The following DOK6 variants were observed in gnomAD, a reference collection of about 807,000 sequenced individuals.
DOK6 encodes downstream of tyrosine kinase 6.
Under a neutral mutation model 44.0 loss-of-function variants are expected in DOK6, and 22 were observed. The ratio of observed to expected loss-of-function variants is 0.50; its 90% CI spans 0.36 to 0.71. The LOEUF (loss-of-function observed/expected upper bound fraction) is 0.71, where lower values mean the gene tolerates loss of function less well. Among genes scored for constraint, DOK6 ranks in the 30% least tolerant of loss-of-function variants. DOK6 has a pLI of 0.00. For missense variants in DOK6, 340 were observed against 416.4 expected (o/e 0.82, Z 1.60); for synonymous variants, 166 against 145.5 (o/e 1.14, Z -1.01).
chr18:69,609,758 G>A (rs530358811), intron 3 of DOK6, among the ~76,000 whole-genome samples: 2 of 152,234 alleles, frequency 1.3e-5, no homozygotes, highest in South Asian at 4.1e-4. Flanking sequence ...CAACAGCCAA[G>A]ATATGGAAAC....
chr18:69,681,084 G>T (rs1237933462), intron 4 of DOK6, among the ~76,000 whole-genome samples: 1 of 152,134 alleles, frequency 6.6e-6, no homozygotes, highest in Non-Finnish European at 1.5e-5. Flanking sequence ...AGACATTTTA[G>T]TATTAAATTA....
At position 69,605,960 on chromosome 18, in the gene DOK6, C is replaced by T. The variant is rs552988065; in HGVS notation, c.289+6462C>T. On this transcript the variant is annotated intron_variant, in intron 3 of 7. Coordinates refer to ENST00000382713, the MANE Select transcript of DOK6 (RefSeq NM_152721.6). Reference sequence around the variant, plus strand: ...AATATAACTGCCCATTTTTTGAAGGCGACATGATTGTCTATATTTAAAAAA... The same window carrying T: ...AATATAACTGCCCATTTTTTGAAGGTGACATGATTGTCTATATTTAAAAAA... Among the ~76,000 whole-genome samples the T allele has an allele frequency of 4.6e-5, 7 of 152,064 alleles. No homozygotes were observed. The South Asian group carries it at 6.2e-4, about 14-fold the overall frequency.
intron 1 of DOK6, among the ~76,000 whole-genome samples, chr18:69,525,329 A>G (rs1981799670): frequency 6.6e-6 from 1 of 151,888 alleles, no homozygotes. Flanking sequence ...TTTATATTTT[A>G]AAATTTTAAT....
intron 3 of DOK6, among the ~76,000 whole-genome samples, chr18:69,630,720 T>C (rs974207451): frequency 6.6e-6 from 1 of 152,244 alleles, no homozygotes; most frequent in Non-Finnish European, 1.5e-5. Context: ...TTTGGATTTA[T>C]TTGTTCTTTG....
At chr18:69,776,578 C>G (rs971899565) in intron 7 of DOK6, among the ~76,000 whole-genome samples, 5 of 151,998 alleles carry the variant, frequency 3.3e-5, no homozygotes, top group Admixed American at 1.3e-4. Flanking sequence ...CAGCTAAGCA[C>G]TCAACCTTGT....
At chr18:69,524,981 T>TTA (rs541544664) in intron 1 of DOK6, among the ~76,000 whole-genome samples, 2 of 151,254 alleles carry the variant, frequency 1.3e-5, no homozygotes, top group African/African-American at 2.4e-5. Flanking sequence ...AGATTTTCAG[T>TTA]AAAAAAACAT....
intron 1 of DOK6, among the ~76,000 whole-genome samples, chr18:69,419,022 G>A (rs1267580465): frequency 6.6e-6 from 1 of 152,144 alleles, no homozygotes; most frequent in Admixed American, 6.6e-5. Context: ...GTGAAATGAG[G>A]TTTGTATAAG....
chr18:69,498,772 G>A (rs1453148265), intron 1 of DOK6, among the ~76,000 whole-genome samples: 1 of 152,128 alleles, frequency 6.6e-6, no homozygotes, highest in Non-Finnish European at 1.5e-5. Context: ...ACAGGGCAAG[G>A]GCACTCTCTT....
chr18:69,542,698 T>G (rs113838694), intron 1 of DOK6, among the ~76,000 whole-genome samples: 1,709 of 151,616 alleles, frequency 0.011, 39 homozygotes, highest in African/African-American at 0.039. Context: ...TAAAAACGCT[T>G]GCTTAAGACG....
chr18:69,727,080 A>C (rs1260244506), intron 5 of DOK6, among the ~76,000 whole-genome samples: 1 of 152,080 alleles, frequency 6.6e-6, no homozygotes, highest in Non-Finnish European at 1.5e-5. Context: ...ACTGATCTCG[A>C]ACTACTGGGC....
At chr18:69,665,511 T>G (rs1265565777) in intron 3 of DOK6, among the ~76,000 whole-genome samples, 1 of 152,178 alleles carries the variant, frequency 6.6e-6, no homozygotes, top group Non-Finnish European at 1.5e-5. Flanking sequence ...ACCAGTCCAT[T>G]GTTATCTGAA....
chr18:69,587,657 T>A (rs1019296483), intron 2 of DOK6, among the ~76,000 whole-genome samples: 1 of 152,114 alleles, frequency 6.6e-6, no homozygotes, highest in Non-Finnish European at 1.5e-5. Context: ...TCTGATAATA[T>A]CCGTGTGGTA....
chr18:69,611,325 CAGA>C (rs1490364085), intron 3 of DOK6, among the ~76,000 whole-genome samples: 1 of 152,128 alleles, frequency 6.6e-6, no homozygotes. Flanking sequence ...CGTGAGGATG[CAGA>C]AGAACTAGAT....
rs946245969 is a variant in DOK6 at position 69,805,043 on chromosome 18, C to A, written c.857-36201C>A. ...TGGAAGCAAAGGCAGTAATTCCCAG[C>A]AAGCTACACTTAAAAAATTTCATGG... On this transcript the variant is annotated intron_variant, in intron 7 of 7. Coordinates refer to ENST00000382713, the MANE Select transcript of DOK6 (RefSeq NM_152721.6). Among the ~76,000 whole-genome samples, 5 of 152,176 alleles carry A rather than the reference C, an allele frequency of 3.3e-5. No homozygotes were observed. The East Asian group carries it at 7.7e-4, about 23-fold the overall frequency.
intron 3 of DOK6, among the ~76,000 whole-genome samples, chr18:69,666,516 C>A (rs73973532): frequency 0.032 from 4,931 of 152,200 alleles, 270 homozygotes; most frequent in African/African-American, 0.11. Flanking sequence ...TTAACCCAAC[C>A]AATTTTTTTT....
At chr18:69,581,168 G>A (rs184609706) in intron 2 of DOK6, among the ~76,000 whole-genome samples, 6 of 152,126 alleles carry the variant, frequency 3.9e-5, no homozygotes, top group African/African-American at 7.2e-5. Context: ...CTAACTTAAG[G>A]CATGCATAGC....
At chr18:69,578,733 T>C (rs1416934396) in intron 2 of DOK6, among the ~76,000 whole-genome samples, 1 of 152,194 alleles carries the variant, frequency 6.6e-6, no homozygotes, top group African/African-American at 2.4e-5. Context: ...TACTGCATAA[T>C]GTCCAAAGAG....
At chr18:69,716,675 A>T (rs1233060341) in intron 5 of DOK6, among the ~76,000 whole-genome samples, 3 of 129,706 alleles carry the variant, frequency 2.3e-5, no homozygotes, top group Non-Finnish European at 4.7e-5. Flanking sequence ...TGGATAACAG[A>T]TTCTCTGCAG....
intron 1 of DOK6, among the ~76,000 whole-genome samples, chr18:69,482,058 T>C (rs1243977914): frequency 6.6e-6 from 1 of 152,214 alleles, no homozygotes; most frequent in Non-Finnish European, 1.5e-5. Flanking sequence ...TTGCCCAATT[T>C]TTGATGGGGT....
Sources: gnomAD v4.1 joint callset for allele counts (sites outside exome capture counted in the v4.1 genomes callset) on GRCh38, gnomAD v4.1.1 for gene constraint, MANE v1.5 for transcripts, NCBI Gene and HGNC (gene_info 2026-07-23, HGNC 2026-07-21) for gene names.